Variants in KCNIP4 observed in about 807,000 individuals in gnomAD.
The protein encoded by KCNIP4 is potassium voltage-gated channel interacting protein 4, also known as Kv channel-interacting protein 4.
Under a neutral mutation model 34.0 loss-of-function variants are expected in KCNIP4, and 12 were observed. That is an observed-to-expected ratio of 0.35 (90% CI 0.23 to 0.57). The LOEUF is 0.57. Ranked by LOEUF, KCNIP4 falls within the 20% of genes least tolerant of loss-of-function variation. The pLI, the probability that KCNIP4 is intolerant of heterozygous loss-of-function variation, is 0.83. For synonymous variants in KCNIP4, 124 were observed against 102.2 expected, an observed-to-expected ratio of 1.21 and a Z score of -1.29; for missense variants, 238 against 311.7, an observed-to-expected ratio of 0.76 and a Z score of 1.78.
intron 3 of KCNIP4, among the ~76,000 whole-genome samples, chr4:20,792,396 AAAC>A (rs943001645): frequency 2.0e-5 from 3 of 152,054 alleles, no homozygotes; most frequent in Non-Finnish European, 2.9e-5. Flanking sequence ...AACCCAAAGC[AAAC>A]AACAACAACA....
intron 1 of KCNIP4, among the ~76,000 whole-genome samples, chr4:21,208,127 C>T (rs1048952604): frequency 6.6e-6 from 1 of 152,088 alleles, no homozygotes; most frequent in Non-Finnish European, 1.5e-5. Flanking sequence ...CAGGTGTGCG[C>T]CACTGCACCT....
chr4:21,696,320 A>G (rs1712309104), intron 1 of KCNIP4, among the ~76,000 whole-genome samples: 1 of 152,172 alleles, frequency 6.6e-6, no homozygotes, highest in Non-Finnish European at 1.5e-5. Context: ...TCTCAGCTTT[A>G]TATCAGCACA....
chr4:21,947,931 C>T (rs562730852), intron 1 of KCNIP4, among the ~76,000 whole-genome samples: 2 of 152,364 alleles, frequency 1.3e-5, no homozygotes, highest in African/African-American at 4.8e-5. Context: ...ACGCACGTTT[C>T]TCTGAAAGCC....
At chr4:21,908,318 G>A (rs1429147989) in intron 1 of KCNIP4, among the ~76,000 whole-genome samples, 2 of 151,432 alleles carry the variant, frequency 1.3e-5, no homozygotes, top group East Asian at 3.9e-4. Flanking sequence ...CAACATTCTT[G>A]CCACTGTATG....
intron 1 of KCNIP4, among the ~76,000 whole-genome samples, chr4:21,004,851 C>T (rs115944058): frequency 0.023 from 3,458 of 151,748 alleles, 123 homozygotes; most frequent in African/African-American, 0.078. Context: ...TTCTGTTTTA[C>T]GGGATTCAAA....
intron 3 of KCNIP4, among the ~76,000 whole-genome samples, chr4:20,785,328 C>CTTTTTTTT (rs60704201): frequency 7.3e-6 from 1 of 136,370 alleles, no homozygotes; most frequent in African/African-American, 2.7e-5. Context: ...ATTTTTTTTT[C>CTTTTTTTT]TTTTTTTTTT....
chr4:21,736,875 A>G (rs747496374), intron 1 of KCNIP4, among the ~76,000 whole-genome samples: 7 of 152,220 alleles, frequency 4.6e-5, no homozygotes, highest in Non-Finnish European at 8.8e-5. Flanking sequence ...TTTACTAAAT[A>G]TGGTCAGCTA....
intron 1 of KCNIP4, among the ~76,000 whole-genome samples, chr4:21,478,077 T>C (rs1259163819): frequency 6.6e-6 from 1 of 152,164 alleles, no homozygotes; most frequent in Non-Finnish European, 1.5e-5. Context: ...ATAACCTTTG[T>C]TCTTCTTTTT....
At chr4:20,881,138 A>G (rs115424599) in intron 2 of KCNIP4, among the ~76,000 whole-genome samples, 1,724 of 152,276 alleles carry the variant, frequency 0.011, 23 homozygotes, top group African/African-American at 0.04. Context: ...CATACAATAA[A>G]TATTTGTTGA....
At chr4:21,666,088 T>C (rs907174854) in intron 1 of KCNIP4, among the ~76,000 whole-genome samples, 2 of 152,182 alleles carry the variant, frequency 1.3e-5, no homozygotes, top group Non-Finnish European at 2.9e-5. Flanking sequence ...ATAGAAGAAT[T>C]TTAGTTTCCC....
chr4:21,322,040 G>T (rs1219497012), intron 1 of KCNIP4, among the ~76,000 whole-genome samples: 2 of 140,050 alleles, frequency 1.4e-5, no homozygotes, highest in African/African-American at 5.4e-5. Context: ...AGGCAGGGGA[G>T]GAAGGAAGGA....
intron 1 of KCNIP4, among the ~76,000 whole-genome samples, chr4:21,035,699 G>T (rs1045895205): frequency 1.3e-5 from 2 of 152,174 alleles, no homozygotes; most frequent in Non-Finnish European, 2.9e-5. Context: ...ATGTACGATT[G>T]TAGTGGGTAC....
Position 20,842,581 on chromosome 4 carries a change from C to CAA in KCNIP4, c.288+7960_288+7961dup, listed in dbSNP as rs59134256. Among the ~76,000 whole-genome samples the CAA allele has an allele frequency of 1.6e-3, 111 of 69,688 alleles. 1 individual carries two copies. Among genetic ancestry groups the CAA allele is most frequent in the East Asian group, 2.0e-3 (3 of 1,502 alleles). 45.7% of individuals were successfully genotyped at this position (69,688 alleles called of 152,430 possible). A position where few individuals can be genotyped will look rare whatever the true frequency, so the allele number is the denominator to read the frequency against. ...GGCAATTGAGTCTCTCTTCTAATGG[C>CAA]AAAAAAAAAAAAAAAAAAAAAAAAA... On this transcript the variant is annotated intron_variant, in intron 3 of 8. Coordinates refer to ENST00000382152, the MANE Select transcript of KCNIP4 (RefSeq NM_025221.6).
chr4:21,589,647 CA>C (rs1742021083), intron 1 of KCNIP4, among the ~76,000 whole-genome samples: 1 of 151,890 alleles, frequency 6.6e-6, no homozygotes, highest in East Asian at 1.9e-4. Flanking sequence ...AGTCAAAGGA[CA>C]GAAGGCAAAT....
intron 2 of KCNIP4, among the ~76,000 whole-genome samples, chr4:20,876,525 C>G (rs569712563): frequency 7.9e-5 from 12 of 152,144 alleles, no homozygotes; most frequent in Admixed American, 6.5e-4. Context: ...TGTACATTCA[C>G]GAGCCAGCTG....
intron 3 of KCNIP4, among the ~76,000 whole-genome samples, chr4:20,811,760 G>A (rs1463045849): frequency 2.6e-5 from 4 of 152,136 alleles, no homozygotes; most frequent in African/African-American, 4.8e-5. Context: ...GAGCACTTCC[G>A]CCAAATTCTT....
intron 1 of KCNIP4, among the ~76,000 whole-genome samples, chr4:21,224,600 T>TTTTC (rs1758232585): frequency 7.0e-6 from 1 of 142,958 alleles, no homozygotes; most frequent in African/African-American, 2.7e-5. Context: ...TTTTTTTTTT[T>TTTTC]TTTTCAGATG....
At chr4:20,800,223 C>T (rs1037266207) in intron 3 of KCNIP4, among the ~76,000 whole-genome samples, 1 of 152,204 alleles carries the variant, frequency 6.6e-6, no homozygotes, top group Non-Finnish European at 1.5e-5. Flanking sequence ...TATCACTGGG[C>T]CCACACAGAA....
At chr4:20,905,400 T>G (rs1374291116) in intron 1 of KCNIP4, among the ~76,000 whole-genome samples, 2 of 152,122 alleles carry the variant, frequency 1.3e-5, no homozygotes, top group Non-Finnish European at 2.9e-5. Flanking sequence ...CAGATTGGTT[T>G]AGACTGAAAG....
Sources: gnomAD v4.1 joint callset for allele counts (sites outside exome capture counted in the v4.1 genomes callset) on GRCh38, gnomAD v4.1.1 for gene constraint, MANE v1.5 for transcripts, NCBI Gene and HGNC (gene_info 2026-07-23, HGNC 2026-07-21) for gene names.